The following OR6C6 variants were observed in gnomAD, a reference collection of about 807,000 sequenced individuals.
The protein encoded by OR6C6 is olfactory receptor 6C6.
For missense variants in OR6C6, 411 were observed against 366.8 expected (o/e 1.12, Z -0.98); for synonymous variants, 140 against 135.2 (o/e 1.04, Z -0.25).
Position 55,294,708 on chromosome 12 carries a change from A to G in OR6C6, c.525T>C (p.Phe175=). 3 of 1,614,130 alleles carry G rather than the reference A, an allele frequency of 1.9e-6. No homozygotes were observed. Residue 175 remains phenylalanine, a synonymous_variant, in exon 2 of 2, where the codon TTT becomes TTC. Transcript: ENST00000358433. The part of the protein sequence containing the change: ...DFCASKTIDH[F]MCETSPILQI... ...GCAGAATAGGAGAAGTTTCACACATAAAGTGGTCAATAGTTTTGGAAGCAC... is the reference window on the plus strand; with the variant it reads ...GCAGAATAGGAGAAGTTTCACACATGAAGTGGTCAATAGTTTTGGAAGCAC...
At position 55,295,043 on chromosome 12, in the gene OR6C6, A is replaced by C. The variant is rs141613478; in HGVS notation, c.190T>G (p.Phe64Val). The C allele has an allele frequency of 2.5e-6, 4 of 1,613,902 alleles. No individual in the cohort carries two copies. The highest frequency in any genetic ancestry group is 2.7e-5 in the African/African-American group (2 of 74,912). Reference sequence around the variant, plus strand: ...GTGAATATTACTTCCAAAAAGGAGAAATTACGGAGAAAGAAATACATTGGC... The same window carrying C: ...GTGAATATTACTTCCAAAAAGGAGACATTACGGAGAAAGAAATACATTGGC... ...KTPMYFFLRN[F>V]SFLEVIFTTV... is the part of the protein sequence containing the mutation. The change falls in exon 2 of 2, where the codon TTC becomes GTC. Residue 64 changes from phenylalanine to valine, a missense_variant. By Grantham distance (50) the Phe-to-Val change is conservative. Transcript: ENST00000358433.
rs1470130897 is a variant in OR6C6, at chr12:55,294,460, A to G, written c.773T>C (p.Ile258Thr). Residue 258 changes from isoleucine (I) to threonine (T), a missense_variant, in exon 2 of 2, where the codon ATT becomes ACT. By Grantham distance (89) the Ile-to-Thr change is moderately conservative. Coordinates refer to ENST00000358433, the MANE Select transcript of OR6C6 (RefSeq NM_001005493.2). ...MTYGSCIFMYIKPSAKERVTV... is the reference protein window; with the variant it reads ...MTYGSCIFMYTKPSAKERVTV... ...CACTCTTTCTTTTGCAGATGGTTTA[A>G]TATACATAAAGATACAGCTACCGTA... 2.5e-6 allele frequency: 4 copies of G among 1,613,782 alleles called. No individual in the cohort carries two copies. The highest frequency in any genetic ancestry group is 3.4e-6 in the Non-Finnish European group (4 of 1,179,828).
rs748980249 is a variant in OR6C6 at position 55,294,875 on chromosome 12, G to T, written c.358C>A (p.Arg120Ser). 1.1e-5 allele frequency: 18 copies of T among 1,613,858 alleles called. No homozygotes were observed. In the South Asian group the frequency reaches 1.9e-4, roughly 17 times the overall value. The change falls in exon 2 of 2, where the codon CGC becomes AGC. Residue 120 changes from arginine to serine, a missense_variant. Arg to Ser is a moderately radical substitution (Grantham distance 110). Transcript: ENST00000358433. The part of the protein sequence containing the change: ...FYLLAAMSYD[R>S]YVAICKPLHY... ...AGTGGTTTGCAGATGGCAACGTAGC[G>T]GTCATAGGACATGGCAGCCAGGAGG...
intron 1 of OR6C6, among the ~76,000 whole-genome samples, chr12:55,295,877 G>C (rs962224068): frequency 6.6e-6 from 1 of 151,776 alleles, no homozygotes; most frequent in Non-Finnish European, 1.5e-5. Context: ...ATGAAAACAT[G>C]ATAAAATAAA....
At chr12:55,295,814 G>C (rs1868253954) in intron 1 of OR6C6, among the ~76,000 whole-genome samples, 1 of 151,696 alleles carries the variant, frequency 6.6e-6, no homozygotes, top group Non-Finnish European at 1.5e-5. Context: ...ATTTTTATTG[G>C]CACTTTTCTA....
rs756898005 is a variant in OR6C6, at chr12:55,295,127, T to G, written c.106A>C (p.Ser36Arg). ...ATGATGATTAAGTTCCCCATCAGGC[T>G]CAAGGTGTAGTTGAGAAATAGAAAC... The part of the protein sequence containing the change: ...FLFLFLNYTL[S>R]LMGNLIIIIL... Residue 36 changes from serine to arginine, a missense_variant, in exon 2 of 2, where the codon AGC becomes CGC. Transcript: ENST00000358433. The G allele has an allele frequency of 1.2e-5, 19 of 1,613,772 alleles. No homozygotes were observed. In the East Asian group the frequency reaches 3.3e-4, roughly 28 times the overall value.
chr12:55,295,421 C>A (rs186805965), intron 1 of OR6C6, among the ~76,000 whole-genome samples, 164 bp from the exon 2 acceptor site: 1 of 151,966 alleles, frequency 6.6e-6, no homozygotes, highest in Non-Finnish European at 1.5e-5. Context: ...TCAAAATTTG[C>A]TCTAATCTAC....
intron 1 of OR6C6, among the ~76,000 whole-genome samples, chr12:55,295,798 A>C (rs958024900): frequency 1.6e-4 from 24 of 151,994 alleles, no homozygotes; most frequent in Admixed American, 1.2e-3. Flanking sequence ...CCATATTATT[A>C]ACATTATTTT....
rs765392613 is a variant in OR6C6, at chr12:55,295,178, G to A, written c.55C>T (p.Pro19Ser). Residue 19 changes from proline (P) to serine (S), a missense_variant, in exon 2 of 2, where the codon CCA becomes TCA. By Grantham distance (74) the Pro-to-Ser change is moderately conservative. Transcript: ENST00000358433. Reference protein sequence around the residue: ...EFILLGLTDDPQLQIVIFLFL... With the variant: ...EFILLGLTDDSQLQIVIFLFL... ...AGGAAAATCACAATTTGCAACTGTG[G>A]GTCATCTGTCAATCCTAGGAGAATG... The A allele has an allele frequency of 1.9e-6, 3 of 1,613,054 alleles. 1 individual carries two copies. In the South Asian group the frequency reaches 3.3e-5, roughly 18 times the overall value.
At chr12:55,295,355 A>G (rs949432077) in intron 1 of OR6C6, 98 bp from the exon 2 acceptor site, 5 of 557,578 alleles carry the variant, frequency 9.0e-6, no homozygotes, top group South Asian at 3.4e-5. Flanking sequence ...CCATGTGCAA[A>G]TGGTTTCTCC....
chr12:55,294,889 G>A lies in OR6C6; in HGVS notation c.344C>T (p.Ala115Val), dbSNP rs562689518. The change falls in exon 2 of 2, where the codon GCC becomes GTC. Residue 115 changes from alanine (A) to valine (V), a missense_variant. Physicochemically the swap from Ala to Val is moderately conservative, Grantham distance 64. Transcript: ENST00000358433. Reference protein sequence around the residue: ...PGVTEFYLLAAMSYDRYVAIC... With the variant: ...PGVTEFYLLAVMSYDRYVAIC... ...GGCAACGTAGCGGTCATAGGACATGGCAGCCAGGAGGTAAAACTCAGTAAC... is the reference window on the plus strand; with the variant it reads ...GGCAACGTAGCGGTCATAGGACATGACAGCCAGGAGGTAAAACTCAGTAAC... The A allele has an allele frequency of 1.5e-5, 25 of 1,613,950 alleles. No homozygotes were observed. Among genetic ancestry groups the A allele is most frequent in the Admixed American group, 6.7e-5 (4 of 59,978 alleles).
Position 55,294,537 on chromosome 12 carries a change from C to A in OR6C6, c.696G>T (p.Arg232Ser). The change falls in exon 2 of 2, where the codon AGG (arginine) becomes AGT (serine). Residue 232 changes from arginine to serine, a missense_variant. Coordinates refer to ENST00000358433, the MANE Select transcript of OR6C6 (RefSeq NM_001005493.2). Reference protein sequence around the residue: ...TILKFSSAQQRNKAFSTCTSH... With the variant: ...TILKFSSAQQSNKAFSTCTSH... ...AAGTACAGGTGGAAAATGCTTTGTTCCTTTGCTGTGCAGAAGAGAATTTCA... is the reference window on the plus strand; with the variant it reads ...AAGTACAGGTGGAAAATGCTTTGTTACTTTGCTGTGCAGAAGAGAATTTCA... 1 of 1,613,896 alleles carries A rather than the reference C, an allele frequency of 6.2e-7. No individual in the cohort carries two copies. The highest frequency in any genetic ancestry group is 1.3e-5 in the African/African-American group (1 of 75,016).
chr12:55,294,496 A>G lies in OR6C6; in HGVS notation c.737T>C (p.Val246Ala). 1 of 1,613,720 alleles carries G rather than the reference A, an allele frequency of 6.2e-7. No homozygotes were observed. The highest frequency in any genetic ancestry group is 8.5e-7 in the Non-Finnish European group (1 of 1,179,678). Residue 246 changes from valine to alanine, a missense_variant, in exon 2 of 2, where the codon GTC becomes GCC. Transcript: ENST00000358433. ...GATACAGCTACCGTATGTCATGGAG[A>G]CAACAATCATGTGGGAAGTACAGGT... Reference protein sequence around the residue: ...FSTCTSHMIVVSMTYGSCIFM... With the variant: ...FSTCTSHMIVASMTYGSCIFM...
chr12:55,294,120 C>T lies in OR6C6; in HGVS notation c.*168G>A, dbSNP rs113532350. On this transcript the variant is annotated 3_prime_UTR_variant, in exon 2 of 2. Transcript: ENST00000358433. ...CCACCACGCCCAGCTAATTTTTGTA[C>T]TTTTAAGTAGAGACGGGGTTTCACC... 0.013 allele frequency: 6,710 copies of T among 498,506 alleles called. 372 individuals are homozygous for T. The highest frequency in any genetic ancestry group is 0.12 in the African/African-American group (6,026 of 51,292). The allele number at this position is 498,506 out of a possible 1,614,324, so 30.9% of individuals were successfully genotyped here.
In OR6C6 at chr12:55,294,543, C is replaced by T. The variant is rs367596891; in HGVS notation, c.690G>A (p.Gln230=). Residue 230 remains glutamine, a synonymous_variant, in exon 2 of 2, where the codon CAG becomes CAA. Transcript: ENST00000358433. ...IKTILKFSSA[Q]QRNKAFSTCT... is the part of the protein sequence containing the mutation. Reference sequence around the variant, plus strand: ...AGGTGGAAAATGCTTTGTTCCTTTGCTGTGCAGAAGAGAATTTCAGAATGG... The same window carrying T: ...AGGTGGAAAATGCTTTGTTCCTTTGTTGTGCAGAAGAGAATTTCAGAATGG... 35 of 1,613,922 alleles carry T rather than the reference C, an allele frequency of 2.2e-5. No homozygotes were observed. The African/African-American group carries it at 4.4e-4, about 20-fold the overall frequency.
In OR6C6 at chr12:55,294,967, G is replaced by A. The variant is rs1209628258; in HGVS notation, c.266C>T (p.Thr89Ile). Residue 89 changes from threonine (T) to isoleucine (I), a missense_variant, in exon 2 of 2, where the codon ACC (threonine) becomes ATC (isoleucine). Thr to Ile is a moderately conservative substitution (Grantham distance 89). Coordinates refer to ENST00000358433, the MANE Select transcript of OR6C6 (RefSeq NM_001005493.2). ...FLITIVTRDK[T>I]ISYNNCATQL... ...AGTTGCACAATTATTATAAGAAATG[G>A]TTTTGTCTCTAGTCACAATGGTTAT... 2 of 1,613,624 alleles carry A rather than the reference G, an allele frequency of 1.2e-6. No individual in the cohort carries two copies. The highest frequency in any genetic ancestry group is 1.3e-5 in the African/African-American group (1 of 74,914).
At position 55,294,392 on chromosome 12, in the gene OR6C6, G is replaced by A; in HGVS notation, c.841C>T (p.Pro281Ser). Residue 281 changes from proline (P) to serine (S), a missense_variant, in exon 2 of 2, where the codon CCT becomes TCT. Pro to Ser is a moderately conservative substitution (Grantham distance 74). Coordinates refer to ENST00000358433, the MANE Select transcript of OR6C6 (RefSeq NM_001005493.2). ...GVALLYTSIA[P>S]LLNPFIYTLR... Reference sequence around the variant, plus strand: ...GTATAAATGAAGGGATTTAGTAAAGGGGCAATTGAGGTATAGAGCAAAGCT... The same window carrying A: ...GTATAAATGAAGGGATTTAGTAAAGAGGCAATTGAGGTATAGAGCAAAGCT... 6.2e-7 allele frequency: 1 copy of A among 1,612,914 alleles called. No individual in the cohort carries two copies. The highest frequency in any genetic ancestry group is 1.1e-5 in the South Asian group (1 of 91,060).
At position 55,294,535 on chromosome 12, in the gene OR6C6, TTCCTTTGC is replaced by T; in HGVS notation, c.690_697del (p.Arg232SerfsTer18). 6.2e-7 allele frequency: 1 copy of T among 1,614,014 alleles called. No homozygotes were observed. The highest frequency in any genetic ancestry group is 8.5e-7 in the Non-Finnish European group (1 of 1,179,926). Reference sequence around the variant, plus strand: ...GGAAGTACAGGTGGAAAATGCTTTGTTCCTTTGCTGTGCAGAAGAGAATTTCAGAATGG... The same window carrying T: ...GGAAGTACAGGTGGAAAATGCTTTGTTGTGCAGAAGAGAATTTCAGAATGG... On this transcript the variant is annotated frameshift_variant, in exon 2 of 2. Transcript: ENST00000358433. LOFTEE classifies it low-confidence loss of function (END_TRUNC).
At position 55,294,742 on chromosome 12, in the gene OR6C6, A is replaced by G. The variant is rs371680600; in HGVS notation, c.491T>C (p.Leu164Pro). The change falls in exon 2 of 2, where the codon CTG becomes CCG. Residue 164 changes from leucine (L) to proline (P), a missense_variant. Transcript: ENST00000358433. ...IFPPLVMGLK[L>P]DFCASKTIDH... ...AATAGTTTTGGAAGCACAAAAATCC[A>G]GCTTGAGTCCCATGACCAATGGGGG... 76 of 1,614,008 alleles carry G rather than the reference A, an allele frequency of 4.7e-5. No individual in the cohort carries two copies. Among genetic ancestry groups the G allele is most frequent in the Non-Finnish European group, 6.2e-5 (73 of 1,180,036 alleles).
Sources: allele counts gnomAD v4.1 joint callset (sites outside exome capture counted in the v4.1 genomes callset), GRCh38; gene constraint gnomAD v4.1.1; transcripts MANE v1.5; gene names NCBI Gene and HGNC (gene_info 2026-07-23, HGNC 2026-07-21).